The following UBE2E2 variants were observed in gnomAD, a reference collection of about 807,000 sequenced individuals.
UBE2E2 encodes the protein ubiquitin-conjugating enzyme E2 E2.
In UBE2E2, 6 loss-of-function variants were observed where a neutral mutation model predicts 24.7. That is an observed-to-expected ratio of 0.24 (90% confidence interval 0.13 to 0.48). The LOEUF is 0.48. UBE2E2 is among the 20% of genes least tolerant of loss of function. The pLI is 0.99. For synonymous variants in UBE2E2, 104 were observed against 83.6 expected (o/e 1.24, Z -1.33); for missense variants, 169 against 245.0 (o/e 0.69, Z 2.07).
intron 3 of UBE2E2, among the ~76,000 whole-genome samples, chr3:23,456,903 T>C (rs1188749814): frequency 6.6e-6 from 1 of 152,206 alleles, no homozygotes; most frequent in Non-Finnish European, 1.5e-5. Flanking sequence ...AAGTCCTAGA[T>C]GGCCTCTTCT....
chr3:23,270,885 A>G (rs911363802), intron 3 of UBE2E2: 3 of 456,288 alleles, frequency 6.6e-6, no homozygotes, highest in African/African-American at 4.0e-5. Context: ...CAGATTAAGA[A>G]CGATAATTGT....
At chr3:23,576,214 T>TA (rs1287009999) in intron 5 of UBE2E2, among the ~76,000 whole-genome samples, 1 of 152,128 alleles carries the variant, frequency 6.6e-6, no homozygotes, top group Non-Finnish European at 1.5e-5. Context: ...AACCATGGAA[T>TA]AAAAGTATTA....
chr3:23,228,334 A>G (rs1026677588), intron 3 of UBE2E2, among the ~76,000 whole-genome samples: 10 of 152,170 alleles, frequency 6.6e-5, no homozygotes, highest in African/African-American at 2.4e-4. Flanking sequence ...ACTGTATTTT[A>G]TAATAGCAAC....
chr3:23,351,672 A>G (rs1695754522), intron 3 of UBE2E2, among the ~76,000 whole-genome samples: 1 of 152,228 alleles, frequency 6.6e-6, no homozygotes, highest in Non-Finnish European at 1.5e-5. Context: ...TCAATTCAAC[A>G]AGAAGAGCTA....
intron 3 of UBE2E2, among the ~76,000 whole-genome samples, chr3:23,495,486 TACTAAATGTG>T (rs1396634560): frequency 3.3e-5 from 5 of 152,232 alleles, no homozygotes; most frequent in African/African-American, 1.2e-4. Flanking sequence ...GCTTGGTATT[TACTAAATGTG>T]TTTGTGTATG....
chr3:23,483,815 G>A (rs190612040), intron 3 of UBE2E2, among the ~76,000 whole-genome samples: 2 of 152,158 alleles, frequency 1.3e-5, no homozygotes, highest in South Asian at 2.1e-4. Flanking sequence ...CCTTTTTGTT[G>A]TTGGGGCAGG....
At chr3:23,448,060 CTT>C (rs1698473473) in intron 3 of UBE2E2, among the ~76,000 whole-genome samples, 1 of 152,106 alleles carries the variant, frequency 6.6e-6, no homozygotes, top group Non-Finnish European at 1.5e-5. Context: ...AAAATTATCT[CTT>C]TAATTAAAGG....
intron 3 of UBE2E2, among the ~76,000 whole-genome samples, chr3:23,351,553 T>G (rs1292381555): frequency 6.6e-6 from 1 of 151,670 alleles, no homozygotes; most frequent in African/African-American, 2.4e-5. Flanking sequence ...ACCAAGCAAA[T>G]GGAAAACGAA....
intron 3 of UBE2E2, among the ~76,000 whole-genome samples, chr3:23,477,359 G>C (rs912840831): frequency 6.6e-6 from 1 of 152,214 alleles, no homozygotes; most frequent in Non-Finnish European, 1.5e-5. Flanking sequence ...ACATTTAGCT[G>C]TGTTTTAGGG....
At chr3:23,217,576 C>A (rs1190197359) in intron 3 of UBE2E2, among the ~76,000 whole-genome samples, 1 of 151,194 alleles carries the variant, frequency 6.6e-6, no homozygotes. Context: ...TATAGGGTAA[C>A]AAATACACTA....
At chr3:23,332,199 A>G (rs1030693480) in intron 3 of UBE2E2, among the ~76,000 whole-genome samples, 2 of 152,142 alleles carry the variant, frequency 1.3e-5, no homozygotes, top group African/African-American at 4.8e-5. Flanking sequence ...GCAAGAGTAC[A>G]GAGTGGCATG....
chr3:23,344,107 T>C (rs973588660), intron 3 of UBE2E2, among the ~76,000 whole-genome samples: 2 of 152,174 alleles, frequency 1.3e-5, no homozygotes, highest in Non-Finnish European at 2.9e-5. Flanking sequence ...GCTACTTTGA[T>C]TTGATTTTTT....
At chr3:23,547,892 A>T (rs946246865) in intron 5 of UBE2E2, among the ~76,000 whole-genome samples, 4 of 152,144 alleles carry the variant, frequency 2.6e-5, no homozygotes, top group East Asian at 3.8e-4. Context: ...ATTGACTTTT[A>T]AAAAACTTTT....
chr3:23,238,236 A>G (rs943216549), intron 3 of UBE2E2, among the ~76,000 whole-genome samples: 6 of 152,190 alleles, frequency 3.9e-5, no homozygotes, highest in African/African-American at 1.2e-4. Flanking sequence ...TTTATTCACT[A>G]AAAGCCTGCT....
At chr3:23,287,762 A>G (rs1575533516) in intron 3 of UBE2E2, among the ~76,000 whole-genome samples, 1 of 146,660 alleles carries the variant, frequency 6.8e-6, no homozygotes, top group South Asian at 2.1e-4. Flanking sequence ...TGTTGGTTGT[A>G]ATGTCTCTCT....
At chr3:23,373,006 A>G (rs1371346204) in intron 3 of UBE2E2, among the ~76,000 whole-genome samples, 1 of 152,004 alleles carries the variant, frequency 6.6e-6, no homozygotes, top group Non-Finnish European at 1.5e-5. Flanking sequence ...CCCTTCTTGG[A>G]CCTTTTATCT....
chr3:23,284,921 AT>A (rs71266420), intron 3 of UBE2E2, among the ~76,000 whole-genome samples: 4,229 of 142,910 alleles, frequency 0.03, 107 homozygotes, highest in East Asian at 0.13. Context: ...GATCTTATTC[AT>A]TTTTTTTTCA....
chr3:23,468,572 A>G (rs1026125610), intron 3 of UBE2E2, among the ~76,000 whole-genome samples: 31 of 152,248 alleles, frequency 2.0e-4, no homozygotes, highest in African/African-American at 7.5e-4. Context: ...AGAAAAGAAG[A>G]GGAAATACAC....
chr3:23,251,726 T>C (rs1485738097), intron 3 of UBE2E2, among the ~76,000 whole-genome samples: 7 of 152,252 alleles, frequency 4.6e-5, no homozygotes, highest in African/African-American at 1.7e-4. Flanking sequence ...CCTTTTTCTT[T>C]GTTTTTTAGG....
Sources: gnomAD v4.1 joint callset for allele counts (sites outside exome capture counted in the v4.1 genomes callset) on GRCh38, gnomAD v4.1.1 for gene constraint, MANE v1.5 for transcripts, NCBI Gene and HGNC (gene_info 2026-07-23, HGNC 2026-07-21) for gene names.